PCDHGA9: variants seen among roughly 807,000 people sequenced by gnomAD.
PCDHGA9 encodes the protein protocadherin gamma-A9.
In PCDHGA9, 37 loss-of-function variants were observed where a neutral mutation model predicts 62.5. The ratio of observed to expected loss-of-function variants is 0.59; its 90% confidence interval spans 0.46 to 0.78. The LOEUF (loss-of-function observed/expected upper bound fraction) is 0.78. Among genes scored for constraint, PCDHGA9 ranks in the 30% least tolerant of loss-of-function variants. The pLI, the probability that PCDHGA9 is intolerant of heterozygous loss-of-function variation, is 0.00. For missense variants in PCDHGA9, 1,138 were observed against 1,166.2 expected (o/e 0.98, Z 0.35); for synonymous variants, 459 against 484.6 (o/e 0.95, Z 0.69).
intron 1 of PCDHGA9, chr5:141,430,857 A>C (rs748992376): frequency 1.9e-6 from 3 of 1,591,316 alleles, no homozygotes; most frequent in Non-Finnish European, 2.6e-6. Flanking sequence ...CAGATACGCT[A>C]TTCAGTTCCG....
At position 141,490,006 on chromosome 5, in the gene PCDHGA9, C is replaced by T; in HGVS notation, c.2425-4801C>T. The stretch of plus-strand genomic sequence containing the variant: ...ACGTGTGGGAATCCCAGAGAATGCA[C>T]CCATTGGTACTCTGCTGCTCCGCCT... On this transcript the variant is annotated intron_variant, in intron 1 of 3. Coordinates refer to ENST00000573521, the MANE Select transcript of PCDHGA9 (RefSeq NM_018921.3). This position sits in a 1 kb window ranked among gnomAD's most constrained non-coding sequence, Gnocchi z 5.4. 2 of 1,614,222 alleles carry T rather than the reference C, an allele frequency of 1.2e-6. No homozygotes were observed. The highest frequency in any genetic ancestry group is 1.7e-6 in the Non-Finnish European group (2 of 1,180,010).
chr5:141,417,776 C>T (rs2096161387), intron 1 of PCDHGA9: 1 of 1,469,712 alleles, frequency 6.8e-7, no homozygotes, highest in South Asian at 1.4e-5. Context: ...CTCCTCCTGT[C>T]CTGGGCCGAA....
chr5:141,439,676 G>A (rs543598257), intron 1 of PCDHGA9, among the ~76,000 whole-genome samples: 27 of 152,292 alleles, frequency 1.8e-4, no homozygotes, highest in Admixed American at 1.0e-3. Flanking sequence ...GCAAATCCAA[G>A]AGCAGACCCA....
intron 1 of PCDHGA9, among the ~76,000 whole-genome samples, chr5:141,437,457 T>C (rs527469937): frequency 7.2e-5 from 11 of 152,358 alleles, no homozygotes; most frequent in Non-Finnish European, 1.5e-4. Flanking sequence ...GAGGAGACTA[T>C]ACTATACTTT....
chr5:141,409,233 G>A, intron 1 of PCDHGA9: 2 of 1,614,008 alleles, frequency 1.2e-6, no homozygotes, highest in Non-Finnish European at 1.7e-6. Flanking sequence ...AACGACAACA[G>A]CCCAGAAATA....
intron 1 of PCDHGA9, chr5:141,478,920 CCAGTGG>C: frequency 2.7e-6 from 2 of 728,392 alleles, no homozygotes; most frequent in South Asian, 4.5e-5. Flanking sequence ...ATACCTCTAA[CCAGTGG>C]CAGCTTCTAG....
intron 1 of PCDHGA9, among the ~76,000 whole-genome samples, chr5:141,461,838 T>G (rs1592748714): frequency 6.6e-6 from 1 of 151,980 alleles, no homozygotes; most frequent in African/African-American, 2.4e-5. Context: ...TTCTTTTTTT[T>G]TTGAGACAGA....
At chr5:141,408,271 T>C (rs948446189) in intron 1 of PCDHGA9, 7 of 1,610,858 alleles carry the variant, frequency 4.3e-6, no homozygotes, top group Non-Finnish European at 5.9e-6. Context: ...TGCTGCTGCC[T>C]TTGTTCTACC....
rs750233767 is a variant in PCDHGA9 at position 141,490,877 on chromosome 5, C to A, written c.2425-3930C>A. 1 of 1,613,880 alleles carries A rather than the reference C, an allele frequency of 6.2e-7. No individual in the cohort carries two copies. Among genetic ancestry groups the A allele is most frequent in the Non-Finnish European group, 8.5e-7 (1 of 1,179,900 alleles). On this transcript the variant is annotated intron_variant, in intron 1 of 3. Coordinates refer to ENST00000573521, the MANE Select transcript of PCDHGA9 (RefSeq NM_018921.3). This position sits in a 1 kb window ranked among gnomAD's most constrained non-coding sequence, Gnocchi z 5.4. Reference sequence around the variant, plus strand: ...GACTCCGGCTCTCCCCCATTGCATGCCAACACATCTCTGCATGTGTTTGTC... The same window carrying A: ...GACTCCGGCTCTCCCCCATTGCATGACAACACATCTCTGCATGTGTTTGTC...
chr5:141,421,410 G>A lies in PCDHGA9; in HGVS notation c.2424+16034G>A, dbSNP rs538537555. On this transcript the variant is annotated intron_variant, in intron 1 of 3. Transcript: ENST00000573521. ...TGGGGCTGGAGCCCCGGGAGCTGGCGAAGCGCGGAGTCCGCATCGTCTCCA... is the reference window on the plus strand; with the variant it reads ...TGGGGCTGGAGCCCCGGGAGCTGGCAAAGCGCGGAGTCCGCATCGTCTCCA... The A allele has an allele frequency of 3.7e-6, 6 of 1,614,084 alleles. No homozygotes were observed. In the African/African-American group the frequency reaches 6.7e-5, roughly 18 times the overall value.
rs752211796 is a variant in PCDHGA9 at position 141,404,338 on chromosome 5, G to A, written c.1386G>A (p.Pro462=). ...FSQASYSVYL[P]ENNARGTSIF... ...AAGCCTCCTACTCAGTCTACCTCCC[G>A]GAAAACAACGCCAGAGGTACTTCCA... Residue 462 remains proline, a synonymous_variant, in exon 1 of 4, where the codon CCG becomes CCA. Coordinates refer to ENST00000573521, the MANE Select transcript of PCDHGA9 (RefSeq NM_018921.3). The A allele has an allele frequency of 1.9e-5, 30 of 1,613,686 alleles. No homozygotes were observed. Among genetic ancestry groups the A allele is most frequent in the Non-Finnish European group, 2.4e-5 (28 of 1,179,848 alleles).
In PCDHGA9 at chr5:141,486,036, G is replaced by A. The variant is rs773301300; in HGVS notation, c.2425-8771G>A. ...TATTTCAGTGGTCATACCCCTGATC[G>A]TGTAAGAAACCTCTTTAGCCTGCAC... On this transcript the variant is annotated intron_variant, in intron 1 of 3. Transcript: ENST00000573521. This position sits in a 1 kb window ranked among gnomAD's most constrained non-coding sequence, Gnocchi z 5.0. 2.5e-6 allele frequency: 4 copies of A among 1,614,048 alleles called. No individual in the cohort carries two copies. Among genetic ancestry groups the A allele is most frequent in the Admixed American group, 1.7e-5 (1 of 60,004 alleles).
rs759437302 is a variant in PCDHGA9, at chr5:141,476,861, T to C, written c.2425-17946T>C. On this transcript the variant is annotated intron_variant, in intron 1 of 3. Transcript: ENST00000573521. The surrounding 1 kb of genome is among the most constrained non-coding windows in gnomAD (Gnocchi z 7.6). Reference sequence around the variant, plus strand: ...TGCGCCTGTCTTCAACCAGTCCTTGTACCGGGCGCGCGTCCTGGAGGATGC... The same window carrying C: ...TGCGCCTGTCTTCAACCAGTCCTTGCACCGGGCGCGCGTCCTGGAGGATGC... 6.2e-7 allele frequency: 1 copy of C among 1,613,864 alleles called. No individual in the cohort carries two copies. The highest frequency in any genetic ancestry group is 1.7e-5 in the Admixed American group (1 of 60,034).
Position 141,413,878 on chromosome 5 carries a change from A to G in PCDHGA9, c.2424+8502A>G, listed in dbSNP as rs752517949. ...ATCTGGCACTGTCCTTGTCAGTGTGACTGTCTTCGATGCAAATGACAACGC... is the reference window on the plus strand; with the variant it reads ...ATCTGGCACTGTCCTTGTCAGTGTGGCTGTCTTCGATGCAAATGACAACGC... On this transcript the variant is annotated intron_variant, in intron 1 of 3. Coordinates refer to ENST00000573521, the MANE Select transcript of PCDHGA9 (RefSeq NM_018921.3). 2.5e-6 allele frequency: 4 copies of G among 1,613,272 alleles called. No individual in the cohort carries two copies. The South Asian group carries it at 3.3e-5, about 13-fold the overall frequency.
chr5:141,449,040 C>A (rs1333983931), intron 1 of PCDHGA9, among the ~76,000 whole-genome samples: 2 of 152,126 alleles, frequency 1.3e-5, no homozygotes, highest in Non-Finnish European at 2.9e-5. Flanking sequence ...GGATTATTAA[C>A]CAGTCTCATA....
At position 141,491,884 on chromosome 5, in the gene PCDHGA9, G is replaced by A. The variant is rs745931108; in HGVS notation, c.2425-2923G>A. The A allele has an allele frequency of 2.8e-6, 4 of 1,446,372 alleles. No homozygotes were observed. The highest frequency in any genetic ancestry group is 2.9e-5 in the Admixed American group (1 of 34,718). 89.6% of individuals were successfully genotyped at this position (1,446,372 alleles called of 1,614,324 possible). ...AACCAGAGTGGCCGATTAAGGGATG[G>A]GGCTCCGAGCACCGGGGGTGGTGGC... On this transcript the variant is annotated intron_variant, in intron 1 of 3. Coordinates refer to ENST00000573521, the MANE Select transcript of PCDHGA9 (RefSeq NM_018921.3). This position sits in a 1 kb window ranked among gnomAD's most constrained non-coding sequence, Gnocchi z 6.9.
At position 141,477,896 on chromosome 5, in the gene PCDHGA9, G is replaced by A. The variant is rs1444527086; in HGVS notation, c.2425-16911G>A. 2 of 1,614,174 alleles carry A rather than the reference G, an allele frequency of 1.2e-6. No individual in the cohort carries two copies. Among genetic ancestry groups the A allele is most frequent in the Non-Finnish European group, 1.7e-6 (2 of 1,180,038 alleles). ...AGCTGGCCACCTAGTGTCACGGGTG[G>A]TAGGCTGGGACGCGGATGCAGGGCA... On this transcript the variant is annotated intron_variant, in intron 1 of 3. Coordinates refer to ENST00000573521, the MANE Select transcript of PCDHGA9 (RefSeq NM_018921.3). The surrounding 1 kb of genome is among the most constrained non-coding windows in gnomAD (Gnocchi z 4.9).
At chr5:141,502,880 T>TTTTTTTTTTG (rs2099816747) in intron 2 of PCDHGA9, among the ~76,000 whole-genome samples, 1 of 151,000 alleles carries the variant, frequency 6.6e-6, no homozygotes, top group African/African-American at 2.4e-5. Context: ...TTTTTTTTTT[T>TTTTTTTTTTG]GACAGGGAGT....
chr5:141,485,185 G>C lies in PCDHGA9; in HGVS notation c.2425-9622G>C. On this transcript the variant is annotated intron_variant, in intron 1 of 3. Transcript: ENST00000573521. This position sits in a 1 kb window ranked among gnomAD's most constrained non-coding sequence, Gnocchi z 5.7. ...AGCGGGCGGCAGCAATGCTCCGCAA[G>C]GTGAGAAGCTGGACAGAAATCTGGC... 6.2e-7 allele frequency: 1 copy of C among 1,613,528 alleles called. No homozygotes were observed. Among genetic ancestry groups the C allele is most frequent in the Non-Finnish European group, 8.5e-7 (1 of 1,179,492 alleles).
Sources: gnomAD v4.1 joint callset for allele counts (sites outside exome capture counted in the v4.1 genomes callset) on GRCh38, gnomAD v4.1.1 for gene constraint, Gnocchi (gnomAD v3.1) non-coding constraint, MANE v1.5 for transcripts, NCBI Gene and HGNC (gene_info 2026-07-23, HGNC 2026-07-21) for gene names.